Variants in PIK3CD observed in about 807,000 individuals in gnomAD.
PIK3CD encodes the protein phosphatidylinositol-4,5-bisphosphate 3-kinase catalytic subunit delta.
In PIK3CD, 20 loss-of-function variants were observed where a neutral mutation model predicts 122.9. That is an observed-to-expected ratio of 0.16 (90% CI 0.11 to 0.24). PIK3CD has a LOEUF of 0.24. Among genes scored for constraint, PIK3CD ranks in the 10% least tolerant of loss-of-function variants. The pLI is 1.00. For missense variants in PIK3CD, 787 were observed against 1,406.3 expected, an observed-to-expected ratio of 0.56 and a Z score of 7.04; for synonymous variants, 596 against 593.4, an observed-to-expected ratio of 1.00 and a Z score of -0.06.
At chr1:9,658,454 G>A (rs551384924) in intron 1 of PIK3CD, among the ~76,000 whole-genome samples, 1 of 150,844 alleles carries the variant, frequency 6.6e-6, no homozygotes, top group East Asian at 1.9e-4. Flanking sequence ...TGGTTTTAGG[G>A]GGATTGCCAC....
At chr1:9,712,778 A>G (rs1473202499) in intron 3 of PIK3CD, among the ~76,000 whole-genome samples, 3 of 152,130 alleles carry the variant, frequency 2.0e-5, no homozygotes, top group Admixed American at 1.3e-4. Flanking sequence ...GCTCATGCCT[A>G]TAATCCCAGA....
upstream of PIK3CD, among the ~76,000 whole-genome samples, chr1:9,648,939 A>G (rs1441037987): frequency 6.6e-6 from 1 of 152,060 alleles, no homozygotes; most frequent in African/African-American, 2.4e-5. Flanking sequence ...CGTCTCTACT[A>G]AAAAATACAA....
rs1374878987 is a variant in PIK3CD, at chr1:9,700,215, C to T, written c.-33+8644C>T. Among the ~76,000 whole-genome samples, 4 of 151,654 alleles carry T rather than the reference C, an allele frequency of 2.6e-5. No individual in the cohort carries two copies. In the East Asian group the frequency reaches 7.8e-4, roughly 29 times the overall value. ...GTGTGATCTCGGCTCATTGCAGCCT[C>T]CCCCTCGCAGGTTCAAGTGATTCTC... On this transcript the variant is annotated intron_variant, in intron 2 of 23. Coordinates refer to ENST00000377346, the MANE Select transcript of PIK3CD (RefSeq NM_005026.5). The surrounding 1 kb of genome is among the most constrained non-coding windows in gnomAD (Gnocchi z 5.1).
chr1:9,682,142 C>A (rs1449561751), intron 1 of PIK3CD, among the ~76,000 whole-genome samples: 1 of 152,090 alleles, frequency 6.6e-6, no homozygotes, highest in Non-Finnish European at 1.5e-5. Context: ...AGGCTGGTCT[C>A]CAACTCCTGA....
At position 9,704,806 on chromosome 1, in the gene PIK3CD, G is replaced by A. The variant is rs187302752; in HGVS notation, c.-32-5618G>A. 7.2e-5 allele frequency among the ~76,000 whole-genome samples: 11 copies of A among 152,362 alleles called. No individual in the cohort carries two copies. The highest frequency in any genetic ancestry group is 2.0e-4 in the Admixed American group (3 of 15,308). ...TGGGATTACAGGCGTGAGCCACCAC[G>A]CCCAGCCGGTCCCCCAAGTTTTGAA... On this transcript the variant is annotated intron_variant, in intron 2 of 23. Transcript: ENST00000377346. The surrounding 1 kb of genome is among the most constrained non-coding windows in gnomAD (Gnocchi z 5.0).
At chr1:9,632,861 C>CTT in the PIK3CD span, among the ~76,000 whole-genome samples, 515 of 128,612 alleles carry the variant, frequency 4.0e-3, no homozygotes, top group Non-Finnish European at 6.2e-3. Context: ...CAACCTGATT[C>CTT]TTTTTTTTTT....
chr1:9,701,625 T>C (rs1028149040), intron 2 of PIK3CD, among the ~76,000 whole-genome samples: 6 of 141,650 alleles, frequency 4.2e-5, no homozygotes, highest in Admixed American at 3.1e-4. Flanking sequence ...GCGGAGATTG[T>C]GCCAGTGCAC....
chr1:9,693,444 G>A (rs12743129), intron 2 of PIK3CD, among the ~76,000 whole-genome samples: 1 of 151,906 alleles, frequency 6.6e-6, no homozygotes, highest in Admixed American at 6.6e-5. Flanking sequence ...TGTTGGCCAG[G>A]CTGGTCTCGA....
chr1:9,717,045 G>T lies in PIK3CD; in HGVS notation c.867G>T (p.Gln289His). 1 of 1,613,926 alleles carries T rather than the reference G, an allele frequency of 6.2e-7. No individual in the cohort carries two copies. The highest frequency in any genetic ancestry group is 8.5e-7 in the Non-Finnish European group (1 of 1,180,012). Reference sequence around the variant, plus strand: ...CCATCCTCGCCATGCGGGATGAGCAGAGCAACCCTGCCCCCCAGGTCCAGA... The same window carrying T: ...CCATCCTCGCCATGCGGGATGAGCATAGCAACCCTGCCCCCCAGGTCCAGA... ...SSSILAMRDE[Q>H]SNPAPQVQKP... The change falls in exon 7 of 24, where the codon CAG becomes CAT. Residue 289 changes from glutamine to histidine, a missense_variant. This residue lies in a region of PIK3CD where 592 missense variants were observed against 920.6 expected (regional missense o/e 0.64). Transcript: ENST00000377346. The surrounding 1 kb of genome is among the most constrained non-coding windows in gnomAD (Gnocchi z 5.4).
intron 1 of PIK3CD, among the ~76,000 whole-genome samples, chr1:9,660,096 G>GTA (rs1309363651): frequency 4.1e-4 from 62 of 152,310 alleles, no homozygotes; most frequent in African/African-American, 1.4e-3. Flanking sequence ...TGTACTTTCA[G>GTA]CAGACGGGCT....
In PIK3CD at chr1:9,710,438, G is replaced by A; in HGVS notation, c.-18G>A. The A allele has an allele frequency of 6.2e-7, 1 of 1,613,874 alleles. No individual in the cohort carries two copies. The highest frequency in any genetic ancestry group is 2.2e-5 in the East Asian group (1 of 44,892). ...TTCATTTTTAGGACAACTGTCATCT[G>A]GGAAGTAACAACGCAGGATGCCCCC... On this transcript the variant is annotated 5_prime_UTR_variant, in exon 3 of 24. Transcript: ENST00000377346. This position sits in a 1 kb window ranked among gnomAD's most constrained non-coding sequence, Gnocchi z 4.7.
rs1297200860 is a variant in PIK3CD at position 9,704,527 on chromosome 1, T to G, written c.-32-5897T>G. Among the ~76,000 whole-genome samples, 1 of 152,198 alleles carries G rather than the reference T, an allele frequency of 6.6e-6. No individual in the cohort carries two copies. The highest frequency in any genetic ancestry group is 1.5e-5 in the Non-Finnish European group (1 of 68,036). On this transcript the variant is annotated intron_variant, in intron 2 of 23. Transcript: ENST00000377346. The surrounding 1 kb of genome is among the most constrained non-coding windows in gnomAD (Gnocchi z 5.0). Reference sequence around the variant, plus strand: ...TTTGCTTTGTTTTGTTTTGTTTTGTTTTTGAGACAGGGTCTCACTCTATTG... The same window carrying G: ...TTTGCTTTGTTTTGTTTTGTTTTGTGTTTGAGACAGGGTCTCACTCTATTG...
chr1:9,645,577 A>G, the PIK3CD span, among the ~76,000 whole-genome samples: 1 of 150,416 alleles, frequency 6.6e-6, no homozygotes, highest in Non-Finnish European at 1.5e-5. Flanking sequence ...AGCTGGGATT[A>G]CAAGTGCCTG....
rs1249563948 is a variant in PIK3CD at position 9,719,013 on chromosome 1, C to G, written c.1242+98C>G. On this transcript the variant is annotated intron_variant, in intron 9 of 23. Transcript: ENST00000377346. This position sits in a 1 kb window ranked among gnomAD's most constrained non-coding sequence, Gnocchi z 5.5. ...CACTCTCCTCCCGGCAAGCACGCAG[C>G]CTGGGGATGGGGGTCCTGGGATTGC... The G allele has an allele frequency of 8.6e-7, 1 of 1,157,488 alleles. No individual in the cohort carries two copies. The highest frequency in any genetic ancestry group is 1.3e-6 in the Non-Finnish European group (1 of 797,232). The allele number at this position is 1,157,488 out of a possible 1,614,324, so 71.7% of individuals were successfully genotyped here. A position where few individuals can be genotyped will look rare whatever the true frequency, so the allele number is the denominator to read the frequency against.
At chr1:9,656,049 T>A (rs1422407203) in intron 1 of PIK3CD, among the ~76,000 whole-genome samples, 2 of 152,122 alleles carry the variant, frequency 1.3e-5, no homozygotes, top group Admixed American at 1.3e-4. Context: ...GGGTGTGGCA[T>A]TTCCAAAGTG....
intron 2 of PIK3CD, among the ~76,000 whole-genome samples, chr1:9,702,644 C>A (rs1022656157): frequency 1.3e-5 from 2 of 150,618 alleles, no homozygotes; most frequent in Admixed American, 1.3e-4. Flanking sequence ...CCTCAGCCTC[C>A]CGAGTAGCTG....
At chr1:9,685,445 G>A (rs1453261938) in intron 1 of PIK3CD, among the ~76,000 whole-genome samples, 5 of 151,846 alleles carry the variant, frequency 3.3e-5, no homozygotes, top group Non-Finnish European at 5.9e-5. Context: ...TGAAACCTCC[G>A]CCTCCCAGGT....
chr1:9,660,227 C>T (rs1644972621), intron 1 of PIK3CD, among the ~76,000 whole-genome samples: 1 of 152,208 alleles, frequency 6.6e-6, no homozygotes, highest in Non-Finnish European at 1.5e-5. Context: ...CATGTTCTTT[C>T]GTTCCATTCA....
At position 9,666,227 on chromosome 1, in the gene PIK3CD, CTTTTTTTTTTTTTTTTT is replaced by C. The variant is rs573382597; in HGVS notation, c.-138+14440_-138+14456del. Among the ~76,000 whole-genome samples, 12 of 44,196 alleles carry C rather than the reference CTTTTTTTTTTTTTTTTT, an allele frequency of 2.7e-4. 1 individual carries two copies. The highest frequency in any genetic ancestry group is 3.4e-4 in the Non-Finnish European group (9 of 26,380). 29.0% of individuals were successfully genotyped at this position (44,196 alleles called of 152,430 possible). A position where few individuals can be genotyped will look rare whatever the true frequency, so the allele number is the denominator to read the frequency against. On this transcript the variant is annotated intron_variant, in intron 1 of 23. Coordinates refer to ENST00000377346, the MANE Select transcript of PIK3CD (RefSeq NM_005026.5). ...ACAGGCATGAGCCACCGCGCCCGGT[CTTTTTTTTTTTTTTTTT>C]TTTTTTTTTTTTTTGAGGTGGAGTC... is the stretch of plus-strand genomic sequence containing the variant.
Sources: gnomAD v4.1 joint callset for allele counts (sites outside exome capture counted in the v4.1 genomes callset) on GRCh38, gnomAD v4.1.1 for gene constraint, gnomAD v4.1.1 regional missense constraint, Gnocchi (gnomAD v3.1) non-coding constraint, MANE v1.5 for transcripts, NCBI Gene and HGNC (gene_info 2026-07-23, HGNC 2026-07-21) for gene names.